SARDH: variants seen among roughly 807,000 people sequenced by gnomAD.
SARDH encodes the protein sarcosine dehydrogenase, mitochondrial.
A neutral mutation model predicts 109.1 loss-of-function variants in SARDH; 95 were observed. The observed-to-expected ratio is 0.87, with a 90% CI of 0.74 to 1.03. SARDH has a LOEUF of 1.03. Ranked by LOEUF, SARDH falls within the 50% of genes least tolerant of loss-of-function variation. SARDH has a pLI of 0.00. For missense variants in SARDH, 1,267 were observed against 1,287.8 expected (o/e 0.98, Z 0.25); for synonymous variants, 572 against 534.8 (o/e 1.07, Z -0.96).
chr9:133,729,858 C>T lies in SARDH; in HGVS notation c.822G>A (p.Trp274Ter), dbSNP rs1198299230. 6.2e-7 allele frequency: 1 copy of T among 1,611,708 alleles called. No homozygotes were observed. The highest frequency in any genetic ancestry group is 8.5e-7 in the Non-Finnish European group (1 of 1,179,968). Residue 274 changes from tryptophan to a stop codon, truncating the protein, a stop_gained, in exon 6 of 21, where the codon TGG becomes TGA. Coordinates refer to ENST00000439388, the MANE Select transcript of SARDH (RefSeq NM_001134707.2). LOFTEE classifies it high-confidence loss of function. ...CAGCCATCCGGCCCACAGCACTTGC[C>T]CACACTCCTGCGGGCAGAGCACAGA... ...TPCVVNCAGV[W>*]ASAVGRMAGV...
chr9:133,660,221 C>T (rs573244154), downstream of SARDH, among the ~76,000 whole-genome samples: 23 of 152,270 alleles, frequency 1.5e-4, 1 homozygote, highest in East Asian at 1.7e-3. Context: ...ACTTGCCCCA[C>T]ACTGAGGCTA....
intron 17 of SARDH, among the ~76,000 whole-genome samples, chr9:133,681,659 G>A (rs1017258558): frequency 3.9e-5 from 6 of 152,196 alleles, no homozygotes; most frequent in East Asian, 3.9e-4. Flanking sequence ...GGGAGAGGAC[G>A]AGAAGCACAG....
chr9:133,710,833 C>G (rs562388733), intron 10 of SARDH, among the ~76,000 whole-genome samples: 1 of 152,258 alleles, frequency 6.6e-6, no homozygotes, highest in African/African-American at 2.4e-5. Flanking sequence ...GGAAGCCCCA[C>G]GTCAGTGACG....
intron 14 of SARDH, among the ~76,000 whole-genome samples, chr9:133,695,504 G>C (rs751812991): frequency 6.6e-6 from 1 of 152,170 alleles, no homozygotes; most frequent in Non-Finnish European, 1.5e-5. Flanking sequence ...GGCAGAGACT[G>C]CAGTGACGCA....
intron 17 of SARDH, among the ~76,000 whole-genome samples, chr9:133,684,610 T>G (rs568487412): frequency 1.3e-5 from 2 of 152,160 alleles, no homozygotes; most frequent in African/African-American, 2.4e-5. Flanking sequence ...CCAGGTCCCA[T>G]GGAGTGCTGG....
chr9:133,730,396 T>C (rs1461762529), intron 4 of SARDH, among the ~76,000 whole-genome samples: 2 of 151,882 alleles, frequency 1.3e-5, no homozygotes, highest in African/African-American at 2.4e-5. Context: ...AACTTGAAAG[T>C]TGGGCAAGTT....
chr9:133,672,081 G>C (rs1830370396), intron 17 of SARDH, among the ~76,000 whole-genome samples: 1 of 152,174 alleles, frequency 6.6e-6, no homozygotes, highest in Non-Finnish European at 1.5e-5. Flanking sequence ...ATGTGGGCAA[G>C]CCACGCTTCC....
intron 17 of SARDH, among the ~76,000 whole-genome samples, chr9:133,677,950 G>A (rs1830574432): frequency 6.6e-6 from 1 of 152,246 alleles, no homozygotes; most frequent in African/African-American, 2.4e-5. Context: ...CCACACTTAG[G>A]CAAGCGCCAC....
In SARDH at chr9:133,679,963, G is replaced by A. The variant is rs540522600; in HGVS notation, c.2163+5230C>T. On this transcript the variant is annotated intron_variant, in intron 17 of 20. Transcript: ENST00000439388. ...GACTGCGCAGGCACACGCATTCCTC[G>A]CCTGCATCTGGTTGGCTGGAACCCA... 9.2e-5 allele frequency among the ~76,000 whole-genome samples: 14 copies of A among 152,294 alleles called. No individual in the cohort carries two copies. The East Asian group carries it at 1.4e-3, about 15-fold the overall frequency.
At chr9:133,716,217 C>T (rs765558942) in intron 8 of SARDH, among the ~76,000 whole-genome samples, 10 of 152,254 alleles carry the variant, frequency 6.6e-5, no homozygotes, top group South Asian at 2.1e-4. Context: ...CACCCACCCA[C>T]GGGCTGTGAT....
At chr9:133,682,822 CCT>C (rs1381117787) in intron 17 of SARDH, among the ~76,000 whole-genome samples, 3 of 136,738 alleles carry the variant, frequency 2.2e-5, no homozygotes, top group South Asian at 2.5e-4. Context: ...GCACTCAGCC[CCT>C]GTGCTGAAAC....
At chr9:133,702,657 C>T (rs1831532577) in intron 13 of SARDH, among the ~76,000 whole-genome samples, 1 of 152,230 alleles carries the variant, frequency 6.6e-6, no homozygotes, top group African/African-American at 2.4e-5. Flanking sequence ...GCCTCCGCCC[C>T]CACCTCACCC....
chr9:133,710,524 C>T (rs1339897475), intron 10 of SARDH, among the ~76,000 whole-genome samples: 3 of 152,232 alleles, frequency 2.0e-5, no homozygotes, highest in Admixed American at 6.5e-5. Flanking sequence ...TGATGAAGGA[C>T]GACCCACGCG....
intron 14 of SARDH, among the ~76,000 whole-genome samples, chr9:133,695,938 G>A (rs1831270858): frequency 1.3e-5 from 2 of 152,298 alleles, no homozygotes; most frequent in East Asian, 3.9e-4. Context: ...GGAGAGACGT[G>A]GCTGAGGGCC....
At chr9:133,664,579 C>T (rs906573087) in intron 20 of SARDH, among the ~76,000 whole-genome samples, 8 of 152,106 alleles carry the variant, frequency 5.3e-5, no homozygotes, top group Admixed American at 4.6e-4. Context: ...TGACGCCTGG[C>T]ACTTTTGCTG....
At chr9:133,697,191 C>T (rs544666338) in intron 13 of SARDH, among the ~76,000 whole-genome samples, 6 of 152,112 alleles carry the variant, frequency 3.9e-5, no homozygotes, top group South Asian at 2.1e-4. Flanking sequence ...AGACTAGACA[C>T]GAAATGGACA....
Position 133,671,604 on chromosome 9 carries a change from C to T in SARDH, c.2257G>A (p.Ala753Thr), listed in dbSNP as rs1830352334. 5 of 1,604,036 alleles carry T rather than the reference C, an allele frequency of 3.1e-6. No homozygotes were observed. The highest frequency in any genetic ancestry group is 4.3e-6 in the Non-Finnish European group (5 of 1,176,000). ...SCVPVYRAVM[A>T]AGAKHGLINA... ...ATGAGGCCGTGCTTGGCACCCGCGG[C>T]CATCACAGCCCGGTACACAGGCACG... The change falls in exon 18 of 21, where the codon GCC becomes ACC. Residue 753 changes from alanine (A) to threonine (T), a missense_variant. Physicochemically the swap from Ala to Thr is moderately conservative, Grantham distance 58. Transcript: ENST00000439388.
intron 8 of SARDH, among the ~76,000 whole-genome samples, chr9:133,714,100 G>A (rs532521217): frequency 3.3e-5 from 5 of 152,338 alleles, no homozygotes; most frequent in Non-Finnish European, 5.9e-5. Flanking sequence ...ATGAGGAAGC[G>A]GCCGGCCCTG....
In SARDH at chr9:133,678,192, CT is replaced by C. The variant is rs1439241027; in HGVS notation, c.2164-6496del. On this transcript the variant is annotated intron_variant, in intron 17 of 20. Transcript: ENST00000439388. Reference sequence around the variant, plus strand: ...GCCTCCCTCCCTGGGCCACACAGCACTGGTACCCATTCCCACCAGCCTCCAC... The same window carrying C: ...GCCTCCCTCCCTGGGCCACACAGCACGGTACCCATTCCCACCAGCCTCCAC... Among the ~76,000 whole-genome samples, 23 of 152,338 alleles carry C rather than the reference CT, an allele frequency of 1.5e-4. No homozygotes were observed. The Middle Eastern group carries it at 0.017, about 113-fold the overall frequency.
Sources: allele counts gnomAD v4.1 joint callset (sites outside exome capture counted in the v4.1 genomes callset), GRCh38; gene constraint gnomAD v4.1.1; transcripts MANE v1.5; gene names NCBI Gene and HGNC (gene_info 2026-07-23, HGNC 2026-07-21).